NRG3: variants seen among roughly 807,000 people sequenced by gnomAD.
NRG3 encodes the protein pro-neuregulin-3, membrane-bound isoform.
NRG3 carries 31 observed loss-of-function variants against 66.9 expected under a neutral mutation model. The ratio of observed to expected loss-of-function variants is 0.46; its 90% confidence interval spans 0.35 to 0.63. The LOEUF (loss-of-function observed/expected upper bound fraction) is 0.63. Ranked by LOEUF, NRG3 falls within the 20% of genes least tolerant of loss-of-function variation. NRG3 has a pLI of 0.00. For missense variants in NRG3, 910 were observed against 878.9 expected, an observed-to-expected ratio of 1.04 and a Z score of -0.45; for synonymous variants, 393 against 359.4, an observed-to-expected ratio of 1.09 and a Z score of -1.06.
chr10:82,340,720 A>G (rs1025890459), intron 1 of NRG3: 2 of 152,128 alleles, frequency 1.3e-5, no homozygotes, highest in African/African-American at 2.4e-5. Context: ...CCTCCCCCCA[A>G]TATCTACTTT....
intron 2 of NRG3, among the ~76,000 whole-genome samples, chr10:82,652,293 C>A (rs996917358): frequency 6.6e-6 from 1 of 152,198 alleles, no homozygotes; most frequent in East Asian, 1.9e-4. Flanking sequence ...TGTATCCACA[C>A]TCTTGGCTCC....
At chr10:82,525,528 G>A (rs1488046229) in intron 2 of NRG3, among the ~76,000 whole-genome samples, 1 of 151,858 alleles carries the variant, frequency 6.6e-6, no homozygotes. Flanking sequence ...GAGCAGACCA[G>A]AGGGACTCCT....
chr10:81,905,205 C>G (rs572996701), intron 1 of NRG3, among the ~76,000 whole-genome samples: 1 of 152,320 alleles, frequency 6.6e-6, no homozygotes, highest in Non-Finnish European at 1.5e-5. Context: ...TATACACTTA[C>G]AAACCACTCT....
chr10:82,235,442 A>G (rs762302999), intron 1 of NRG3, among the ~76,000 whole-genome samples: 2 of 152,182 alleles, frequency 1.3e-5, no homozygotes, highest in Non-Finnish European at 2.9e-5. Flanking sequence ...AATTAATTTC[A>G]GGGAAAATTG....
At chr10:82,050,327 C>G (rs1295939538) in intron 1 of NRG3, among the ~76,000 whole-genome samples, 1 of 148,580 alleles carries the variant, frequency 6.7e-6, no homozygotes, top group Non-Finnish European at 1.5e-5. Context: ...CCTGCAATTA[C>G]TTTTGCACCC....
chr10:82,120,286 C>G (rs1455539469), intron 1 of NRG3, among the ~76,000 whole-genome samples: 2 of 152,116 alleles, frequency 1.3e-5, no homozygotes, highest in African/African-American at 2.4e-5. Context: ...ATGACTCAGC[C>G]TTGTAACGAC....
chr10:82,126,854 A>G (rs895049798), intron 1 of NRG3, among the ~76,000 whole-genome samples: 1 of 152,002 alleles, frequency 6.6e-6, no homozygotes, highest in Non-Finnish European at 1.5e-5. Context: ...AGGGAGGCCT[A>G]TTTTGCTGGT....
chr10:82,913,650 G>A (rs1299675754), intron 4 of NRG3, among the ~76,000 whole-genome samples: 5 of 152,158 alleles, frequency 3.3e-5, no homozygotes, highest in African/African-American at 1.2e-4. Context: ...CATAGTTTCT[G>A]TGTGGAAGTC....
At chr10:82,588,944 A>G (rs2046832771) in intron 2 of NRG3, among the ~76,000 whole-genome samples, 1 of 152,192 alleles carries the variant, frequency 6.6e-6, no homozygotes, top group African/African-American at 2.4e-5. Flanking sequence ...TCCCTCATTC[A>G]GGCTGTCTCA....
intron 2 of NRG3, among the ~76,000 whole-genome samples, chr10:82,714,728 A>AT (rs1343338567): frequency 6.6e-6 from 1 of 152,276 alleles, no homozygotes; most frequent in East Asian, 1.9e-4. Context: ...CAGAGGAAAT[A>AT]TTTTTTTAAT....
rs548959494 is a variant in NRG3, at chr10:82,256,109, A to G, written c.824-102630A>G. On this transcript the variant is annotated intron_variant, in intron 1 of 8. Transcript: ENST00000372141. ...TGGCTAATTTTTGTATTTCTAGTAGAGATGGGGTTTCACCATATTGGCCAG... is the reference window on the plus strand; with the variant it reads ...TGGCTAATTTTTGTATTTCTAGTAGGGATGGGGTTTCACCATATTGGCCAG... 5.7e-4 allele frequency among the ~76,000 whole-genome samples: 86 copies of G among 152,044 alleles called. No individual in the cohort carries two copies. In the South Asian group the frequency reaches 7.3e-3, roughly 13 times the overall value.
intron 1 of NRG3, among the ~76,000 whole-genome samples, chr10:82,040,404 AATAT>A (rs2062979493): frequency 2.2e-5 from 2 of 89,580 alleles, no homozygotes; most frequent in Admixed American, 2.5e-4. Context: ...TTATATATAC[AATAT>A]ATATGTAATA....
chr10:82,665,315 C>T (rs1194531404), intron 2 of NRG3, among the ~76,000 whole-genome samples: 1 of 152,196 alleles, frequency 6.6e-6, no homozygotes, highest in Non-Finnish European at 1.5e-5. Flanking sequence ...TACAACATAT[C>T]ACAATTCATC....
At chr10:82,853,381 G>A (rs1384002705) in intron 3 of NRG3, among the ~76,000 whole-genome samples, 1 of 152,098 alleles carries the variant, frequency 6.6e-6, no homozygotes, top group East Asian at 1.9e-4. Context: ...ATTGCTTTTG[G>A]CAGCATGGTC....
intron 1 of NRG3, among the ~76,000 whole-genome samples, chr10:81,979,978 T>C (rs2060274582): frequency 6.6e-6 from 1 of 152,134 alleles, no homozygotes; most frequent in African/African-American, 2.4e-5. Context: ...GGCCAAAGGG[T>C]TAACCAACCA....
intron 1 of NRG3, among the ~76,000 whole-genome samples, chr10:82,270,195 T>C (rs2078519991): frequency 1.3e-5 from 2 of 152,150 alleles, no homozygotes; most frequent in African/African-American, 2.4e-5. Flanking sequence ...ATACATCCAT[T>C]TCCTTTTCAT....
intron 1 of NRG3, among the ~76,000 whole-genome samples, chr10:82,353,957 C>A (rs1353836054): frequency 6.6e-6 from 1 of 151,120 alleles, no homozygotes; most frequent in African/African-American, 2.4e-5. Flanking sequence ...CTTCTTATAT[C>A]CTAACTTACT....
chr10:82,063,556 A>C (rs28580197), intron 1 of NRG3, among the ~76,000 whole-genome samples: 4,424 of 150,572 alleles, frequency 0.029, 225 homozygotes, highest in African/African-American at 0.1. Flanking sequence ...AAGGATAGTC[A>C]ATCGGTGCCC....
intron 1 of NRG3, among the ~76,000 whole-genome samples, chr10:82,346,117 G>A: frequency 6.8e-6 from 1 of 146,288 alleles, no homozygotes; most frequent in Non-Finnish European, 1.5e-5. Context: ...TAGGAGTGGT[G>A]AGAGAGGGCA....
Sources: allele counts gnomAD v4.1 joint callset (sites outside exome capture counted in the v4.1 genomes callset), GRCh38; gene constraint gnomAD v4.1.1; transcripts MANE v1.5; gene names NCBI Gene and HGNC (gene_info 2026-07-23, HGNC 2026-07-21).